Variants in C1QL1 observed in about 807,000 individuals in gnomAD.
C1QL1 encodes complement C1q like 1.
A neutral mutation model predicts 14.2 loss-of-function variants in C1QL1; 15 were observed. The ratio of observed to expected loss-of-function variants is 1.06; its 90% CI spans 0.71 to 1.62. C1QL1 has a LOEUF of 1.62. Among genes scored for constraint, C1QL1 ranks in the 40% most tolerant of loss-of-function variants. The pLI is 0.00. For missense variants in C1QL1, 346 were observed against 380.3 expected (o/e 0.91, Z 0.75); for synonymous variants, 172 against 172.4 (o/e 1.00, Z 0.02).
intron 1 of C1QL1, among the ~76,000 whole-genome samples, chr17:44,965,238 T>C (rs2052651564): frequency 6.6e-6 from 1 of 152,168 alleles, no homozygotes; most frequent in African/African-American, 2.4e-5. Flanking sequence ...GGTCTTGATC[T>C]CCTGACCTCA....
Position 44,967,565 on chromosome 17 carries a change from C to T in C1QL1, c.484G>A (p.Ala162Thr), listed in dbSNP as rs867892993. 1 of 1,614,000 alleles carries T rather than the reference C, an allele frequency of 6.2e-7. No individual in the cohort carries two copies. The highest frequency in any genetic ancestry group is 8.5e-7 in the Non-Finnish European group (1 of 1,179,952). Residue 162 changes from alanine to threonine, a missense_variant, in exon 1 of 2, where the codon GCC (alanine) becomes ACC (threonine). By Grantham distance (58) the Ala-to-Thr change is moderately conservative. Coordinates refer to ENST00000253407, the MANE Select transcript of C1QL1 (RefSeq NM_006688.5). This position sits in a 1 kb window ranked among gnomAD's most constrained non-coding sequence, Gnocchi z 7.0. Reference sequence around the variant, plus strand: ...ATGTTGCACGTAAACTTGCCGCTGGCCGCGTCGTAGTTGTTGCCTAGGTTG... The same window carrying T: ...ATGTTGCACGTAAACTTGCCGCTGGTCGCGTCGTAGTTGTTGCCTAGGTTG... ...VTNLGNNYDA[A>T]SGKFTCNIPG... is the part of the protein sequence containing the mutation.
intron 1 of C1QL1, among the ~76,000 whole-genome samples, chr17:44,966,626 G>C (rs1376999327): frequency 6.6e-6 from 1 of 152,244 alleles, no homozygotes; most frequent in African/African-American, 2.4e-5. Context: ...CAGAGTCCCC[G>C]ACACACTCAG....
intron 1 of C1QL1, among the ~76,000 whole-genome samples, chr17:44,964,773 T>C (rs1370678286): frequency 4.6e-5 from 7 of 152,204 alleles, no homozygotes; most frequent in Admixed American, 3.9e-4. Flanking sequence ...ATAAAGGACA[T>C]GGGAGAGGGG....
At chr17:44,961,784 G>A (rs2052628343) in intron 1 of C1QL1, among the ~76,000 whole-genome samples, 1 of 151,274 alleles carries the variant, frequency 6.6e-6, no homozygotes, top group Non-Finnish European at 1.5e-5. Flanking sequence ...TACTGGGGAG[G>A]CTGAGGCAGG....
In C1QL1 at chr17:44,967,441, G is replaced by C; in HGVS notation, c.597+11C>G. The C allele has an allele frequency of 6.2e-7, 1 of 1,611,774 alleles. No individual in the cohort carries two copies. On this transcript the variant is annotated intron_variant, in intron 1 of 1. Transcript: ENST00000253407. This position sits in a 1 kb window ranked among gnomAD's most constrained non-coding sequence, Gnocchi z 7.0. ...GGGCCCAGCCCAGCCCCATGCCCCC[G>C]CCTGGCCCACCTGGCCATTCTTGCA...
At position 44,967,710 on chromosome 17, in the gene C1QL1, C is replaced by T; in HGVS notation, c.339G>A (p.Ala113=). The stretch of plus-strand genomic sequence containing the variant: ...CAGTGCTGATGGCGCCGCTGCCCCC[C>T]GCGCCCGGCAGCCCCGGAGGGCCCG... ...GKPGPPGLPG[A]GGSGAISTAT... Residue 113 remains alanine (A), a synonymous_variant, in exon 1 of 2, where the codon GCG becomes GCA. Transcript: ENST00000253407. The surrounding 1 kb of genome is among the most constrained non-coding windows in gnomAD (Gnocchi z 7.0). The T allele has an allele frequency of 7.5e-6, 12 of 1,610,242 alleles. No individual in the cohort carries two copies. Among genetic ancestry groups the T allele is most frequent in the Non-Finnish European group, 1.0e-5 (12 of 1,179,066 alleles).
At chr17:44,961,884 C>T (rs1361379933) in intron 1 of C1QL1, among the ~76,000 whole-genome samples, 1 of 134,228 alleles carries the variant, frequency 7.5e-6, no homozygotes, top group Non-Finnish European at 1.6e-5. Context: ...CAGAGCGAGA[C>T]TCCGTCTCAA....
intron 1 of C1QL1, among the ~76,000 whole-genome samples, chr17:44,960,760 C>A (rs769320856): frequency 2.0e-5 from 3 of 152,230 alleles, no homozygotes; most frequent in Non-Finnish European, 4.4e-5. Context: ...TCTCATCATT[C>A]CTTCCTCTCT....
At chr17:44,960,701 T>C (rs2052623219) in intron 1 of C1QL1, among the ~76,000 whole-genome samples, 1 of 152,238 alleles carries the variant, frequency 6.6e-6, no homozygotes, top group South Asian at 2.1e-4. Flanking sequence ...AGCCTGTCCT[T>C]GCAAAGAGGA....
At chr17:44,965,311 CTAA>C (rs1390388145) in intron 1 of C1QL1, among the ~76,000 whole-genome samples, 3 of 152,062 alleles carry the variant, frequency 2.0e-5, no homozygotes, top group Admixed American at 6.6e-5. Flanking sequence ...CGTGCCTGGC[CTAA>C]TGTTTGTATT....
intron 1 of C1QL1, among the ~76,000 whole-genome samples, chr17:44,966,572 C>G (rs1443022847): frequency 6.6e-6 from 1 of 152,078 alleles, no homozygotes; most frequent in African/African-American, 2.4e-5. Flanking sequence ...GTCCTGGGGT[C>G]GGCCATTCCA....
chr17:44,967,996 G>A lies in C1QL1; in HGVS notation c.53C>T (p.Pro18Leu), dbSNP rs763732036. The A allele has an allele frequency of 4.3e-6, 6 of 1,385,576 alleles. No homozygotes were observed. In the South Asian group the frequency reaches 9.8e-5, roughly 23 times the overall value. 85.8% of individuals were successfully genotyped at this position (1,385,576 alleles called of 1,614,324 possible). A position where few individuals can be genotyped will look rare whatever the true frequency, so the allele number is the denominator to read the frequency against. ...GCCCAGCATCTCATAGTGGCCTTCC[G>A]GGCCGCCCGAGCTCACCAGCACGGG... ...LIPVLVSSGG[P>L]EGHYEMLGTC... Residue 18 changes from proline to leucine, a missense_variant, in exon 1 of 2, where the codon CCG (proline) becomes CTG (leucine). Transcript: ENST00000253407. The surrounding 1 kb of genome is among the most constrained non-coding windows in gnomAD (Gnocchi z 7.0).
At chr17:44,966,531 G>T (rs1426512715) in intron 1 of C1QL1, among the ~76,000 whole-genome samples, 1 of 152,188 alleles carries the variant, frequency 6.6e-6, no homozygotes, top group African/African-American at 2.4e-5. Context: ...GGCTAAAATT[G>T]TCACCCCAGG....
chr17:44,967,448 C>T lies in C1QL1; in HGVS notation c.597+4G>A, dbSNP rs772261084. ...GCCCAGCCCCATGCCCCCGCCTGGC[C>T]CACCTGGCCATTCTTGCAGAGGTCT... is the stretch of plus-strand genomic sequence containing the variant. On this transcript the variant is annotated splice_donor_region_variant and intron_variant, in intron 1 of 1. Transcript: ENST00000253407. This position sits in a 1 kb window ranked among gnomAD's most constrained non-coding sequence, Gnocchi z 7.0. 5.6e-6 allele frequency: 9 copies of T among 1,612,930 alleles called. No homozygotes were observed. The highest frequency in any genetic ancestry group is 6.8e-6 in the Non-Finnish European group (8 of 1,179,640).
intron 1 of C1QL1, among the ~76,000 whole-genome samples, chr17:44,966,761 C>A (rs1481563892): frequency 7.0e-6 from 1 of 141,986 alleles, no homozygotes; most frequent in Non-Finnish European, 1.5e-5. Context: ...TTCCACCACC[C>A]CCCACCCCCC....
At chr17:44,965,039 G>A (rs2052650052) in intron 1 of C1QL1, among the ~76,000 whole-genome samples, 1 of 149,652 alleles carries the variant, frequency 6.7e-6, no homozygotes, top group Non-Finnish European at 1.5e-5. Context: ...TTGAGACGGA[G>A]TCTCGCTCTG....
At position 44,967,656 on chromosome 17, in the gene C1QL1, G is replaced by T; in HGVS notation, c.393C>A (p.Ala131=). The change falls in exon 1 of 2, where the codon GCC becomes GCA. Residue 131 remains alanine, a synonymous_variant. Transcript: ENST00000253407. The surrounding 1 kb of genome is among the most constrained non-coding windows in gnomAD (Gnocchi z 7.0). ...GGGGGTTCTTGAGGCCGGCGTAGAAGGCCACGCGCGGCACCGTGGTGTAGG... is the reference window on the plus strand; with the variant it reads ...GGGGGTTCTTGAGGCCGGCGTAGAATGCCACGCGCGGCACCGTGGTGTAGG... ...TATYTTVPRV[A]FYAGLKNPHE... 2 of 1,613,640 alleles carry T rather than the reference G, an allele frequency of 1.2e-6. No homozygotes were observed. Among genetic ancestry groups the T allele is most frequent in the Non-Finnish European group, 1.7e-6 (2 of 1,179,876 alleles).
At position 44,967,736 on chromosome 17, in the gene C1QL1, G is replaced by A; in HGVS notation, c.313C>T (p.Pro105Ser). 1 of 1,599,598 alleles carries A rather than the reference G, an allele frequency of 6.3e-7. No homozygotes were observed. The change falls in exon 1 of 2, where the codon CCG becomes TCG. Residue 105 changes from proline (P) to serine (S), a missense_variant. Transcript: ENST00000253407. The surrounding 1 kb of genome is among the most constrained non-coding windows in gnomAD (Gnocchi z 7.0). ...PPGEKGEPGK[P>S]GPPGLPGAGG... ...GCGCCCGGCAGCCCCGGAGGGCCCG[G>A]CTTGCCTGGCTCACCCTTCTCCCCC... is the stretch of plus-strand genomic sequence containing the variant.
intron 1 of C1QL1, among the ~76,000 whole-genome samples, chr17:44,965,113 C>T (rs979561990): frequency 2.0e-5 from 3 of 151,936 alleles, no homozygotes; most frequent in Non-Finnish European, 2.9e-5. Context: ...CCCGGGTTCA[C>T]GCCATTCTCC....
Sources: allele counts gnomAD v4.1 joint callset (sites outside exome capture counted in the v4.1 genomes callset), GRCh38; gene constraint gnomAD v4.1.1; non-coding constraint Gnocchi (gnomAD v3.1); transcripts MANE v1.5; gene names NCBI Gene and HGNC (gene_info 2026-07-23, HGNC 2026-07-21).